The following RBM18 variants were observed in gnomAD, a reference collection of about 807,000 sequenced individuals.
RBM18 encodes RNA binding motif protein 18, also known as probable RNA-binding protein 18.
Under a neutral mutation model 26.4 loss-of-function variants are expected in RBM18, and 18 were observed. That is an observed-to-expected ratio of 0.68 (90% confidence interval 0.47 to 1.01). The LOEUF (loss-of-function observed/expected upper bound fraction) is 1.01. Among genes scored for constraint, RBM18 ranks in the 50% least tolerant of loss-of-function variants. RBM18 has a pLI of 0.00. For synonymous variants in RBM18, 74 were observed against 81.1 expected, an observed-to-expected ratio of 0.91 and a Z score of 0.47; for missense variants, 180 against 219.2, an observed-to-expected ratio of 0.82 and a Z score of 1.13.
At chr9:122,263,052 C>G (rs1469344515) in intron 1 of RBM18, among the ~76,000 whole-genome samples, 1 of 152,124 alleles carries the variant, frequency 6.6e-6, no homozygotes, top group African/African-American at 2.4e-5. Context: ...TGTCAGAGTT[C>G]AGAAGTCCCT....
intron 3 of RBM18, among the ~76,000 whole-genome samples, chr9:122,250,778 C>G (rs1247239542): frequency 6.6e-6 from 1 of 152,188 alleles, no homozygotes; most frequent in South Asian, 2.1e-4. Context: ...AGATATATGA[C>G]TAAGTGTTAA....
intron 1 of RBM18, among the ~76,000 whole-genome samples, chr9:122,264,343 T>C (rs1477289664): frequency 6.6e-6 from 1 of 152,238 alleles, no homozygotes; most frequent in African/African-American, 2.4e-5. Flanking sequence ...ACTATCAAAA[T>C]GCTTTGCGTT....
In RBM18 at chr9:122,247,418, G is replaced by C. The variant is rs1458413687; in HGVS notation, c.327+100C>G. On this transcript the variant is annotated intron_variant, in intron 4 of 5. Transcript: ENST00000417201. The stretch of plus-strand genomic sequence containing the variant: ...AGGAGACTGAAGTATGGCTGTTTCA[G>C]GTGTGAAGAGATTGGGACATAAACG... 7.3e-6 allele frequency: 7 copies of C among 961,626 alleles called. No individual in the cohort carries two copies. The Admixed American group carries it at 1.1e-4, about 15-fold the overall frequency. 59.6% of individuals were successfully genotyped at this position (961,626 alleles called of 1,614,324 possible). A position where few individuals can be genotyped will look rare whatever the true frequency, so the allele number is the denominator to read the frequency against.
At chr9:122,257,276 G>C (rs1831713286) in intron 2 of RBM18, among the ~76,000 whole-genome samples, 1 of 152,062 alleles carries the variant, frequency 6.6e-6, no homozygotes, top group South Asian at 2.1e-4. Context: ...TGAGTAGCTG[G>C]GACTACAGGC....
chr9:122,253,414 T>C (rs1427053982), intron 2 of RBM18, among the ~76,000 whole-genome samples: 1 of 152,124 alleles, frequency 6.6e-6, no homozygotes, highest in Non-Finnish European at 1.5e-5. Context: ...TCTGGTCTAT[T>C]TTGAAAGGTA....
At chr9:122,252,757 T>C (rs370063477) in intron 2 of RBM18, among the ~76,000 whole-genome samples, 4 of 152,202 alleles carry the variant, frequency 2.6e-5, no homozygotes, top group Non-Finnish European at 5.9e-5. Context: ...AGAATACAGA[T>C]GGTCAAGGGA....
intron 1 of RBM18, among the ~76,000 whole-genome samples, chr9:122,263,650 G>A (rs1587984563): frequency 6.6e-6 from 1 of 152,214 alleles, no homozygotes; most frequent in East Asian, 1.9e-4. Context: ...ATTAAGCAGG[G>A]TGATGTGACA....
Position 122,247,528 on chromosome 9 carries a change from G to C in RBM18, c.317C>G (p.Ala106Gly). 6.2e-7 allele frequency: 1 copy of C among 1,613,768 alleles called. No individual in the cohort carries two copies. ...SKKLVVRWAHAQVKRYDHNKN... is the reference protein window; with the variant it reads ...SKKLVVRWAHGQVKRYDHNKN... ...GCCTCTCAGACGTACCTTTACTTGA[G>C]CATGTGCCCATCGCACCACCAGCTT... Residue 106 changes from alanine (A) to glycine (G), a missense_variant, in exon 4 of 6, where the codon GCT becomes GGT. By Grantham distance (60) the Ala-to-Gly change is moderately conservative. Transcript: ENST00000417201.
intron 2 of RBM18, among the ~76,000 whole-genome samples, chr9:122,259,282 T>C (rs1831748584): frequency 6.6e-6 from 1 of 152,218 alleles, no homozygotes; most frequent in South Asian, 2.1e-4. Context: ...CAACGCTGTT[T>C]CCACACTTTA....
chr9:122,242,663 G>GT (rs71923495), intron 5 of RBM18, among the ~76,000 whole-genome samples: 5,306 of 146,448 alleles, frequency 0.036, 280 homozygotes, highest in African/African-American at 0.12. Context: ...TACTTATACT[G>GT]TTTTTTTTTT....
intron 3 of RBM18, among the ~76,000 whole-genome samples, chr9:122,249,316 T>A (rs1831559469): frequency 6.6e-6 from 1 of 152,164 alleles, no homozygotes; most frequent in African/African-American, 2.4e-5. Context: ...TGCTCAAAGT[T>A]AATAAATAAA....
At chr9:122,262,632 CAT>C (rs1334914864) in intron 1 of RBM18, among the ~76,000 whole-genome samples, 1 of 152,138 alleles carries the variant, frequency 6.6e-6, no homozygotes. Context: ...TGCCCAGACT[CAT>C]GGGCGGTGGC....
At chr9:122,244,733 C>T (rs907944279) in intron 5 of RBM18, among the ~76,000 whole-genome samples, 3 of 152,208 alleles carry the variant, frequency 2.0e-5, no homozygotes, top group African/African-American at 7.2e-5. Flanking sequence ...GCTCAACCAT[C>T]CACTTAACTT....
intron 4 of RBM18, among the ~76,000 whole-genome samples, chr9:122,246,691 T>C (rs2118954751): frequency 1.3e-5 from 2 of 152,328 alleles, no homozygotes; most frequent in South Asian, 4.1e-4. Context: ...TCTCTGTGAC[T>C]CTTTACTGGG....
chr9:122,258,557 G>A (rs906885245), intron 2 of RBM18, among the ~76,000 whole-genome samples: 6 of 151,492 alleles, frequency 4.0e-5, no homozygotes, highest in East Asian at 2.0e-4. Context: ...GTGAACCACC[G>A]TGCTCAGTGG....
Position 122,238,038 on chromosome 9 carries a change from T to C in RBM18, c.*3846A>G, listed in dbSNP as rs1831356920. ...GAGGCCAGTTTGCTGAACACTGGAC[T>C]AGATGTTTGCAGGCCTGGGTTCTAC... On this transcript the variant is annotated 3_prime_UTR_variant, in exon 6 of 6. Transcript: ENST00000417201. 1 of 152,236 alleles carries C rather than the reference T, an allele frequency of 6.6e-6. No homozygotes were observed. The highest frequency in any genetic ancestry group is 6.5e-5 in the Admixed American group (1 of 15,286). 9.4% of individuals were successfully genotyped at this position (152,236 alleles called of 1,614,324 possible). A position where few individuals can be genotyped will look rare whatever the true frequency, so the allele number is the denominator to read the frequency against.
intron 2 of RBM18, among the ~76,000 whole-genome samples, chr9:122,257,176 T>A (rs983906230): frequency 3.3e-5 from 5 of 151,974 alleles, no homozygotes; most frequent in African/African-American, 1.2e-4. Flanking sequence ...CCCAGGTTCA[T>A]GCCATTCTCC....
At position 122,238,791 on chromosome 9, in the gene RBM18, G is replaced by C. The variant is rs575039593; in HGVS notation, c.*3093C>G. On this transcript the variant is annotated 3_prime_UTR_variant, in exon 6 of 6. Transcript: ENST00000417201. ...TACTGTGTGGAAAACGGACCCTAAA[G>C]AATCAATAGCAGAGGCAGGGAGATA... 1 of 152,162 alleles carries C rather than the reference G, an allele frequency of 6.6e-6. No individual in the cohort carries two copies. The allele number at this position is 152,162 out of a possible 1,614,324, so 9.4% of individuals were successfully genotyped here.
At chr9:122,248,619 T>C (rs1050886589) in intron 3 of RBM18, among the ~76,000 whole-genome samples, 17 of 151,950 alleles carry the variant, frequency 1.1e-4, no homozygotes, top group African/African-American at 4.1e-4. Flanking sequence ...GACAGAGGAG[T>C]AATACGGTTG....
Sources: gnomAD v4.1 joint callset for allele counts (sites outside exome capture counted in the v4.1 genomes callset) on GRCh38, gnomAD v4.1.1 for gene constraint, MANE v1.5 for transcripts, NCBI Gene and HGNC (gene_info 2026-07-23, HGNC 2026-07-21) for gene names.